The following DZIP1 variants were observed in gnomAD, a reference collection of about 807,000 sequenced individuals.
DZIP1 encodes the protein cilium assembly protein DZIP1.
A neutral mutation model predicts 107.6 loss-of-function variants in DZIP1; 97 were observed. The ratio of observed to expected loss-of-function variants is 0.90; its 90% CI spans 0.77 to 1.07. DZIP1 has a LOEUF of 1.07. Ranked by LOEUF, DZIP1 falls within the 50% of genes least tolerant of loss-of-function variation. DZIP1 has a pLI of 0.00. For synonymous variants in DZIP1, 390 were observed against 386.4 expected, an observed-to-expected ratio of 1.01 and a Z score of -0.11; for missense variants, 1,035 against 1,063.6, an observed-to-expected ratio of 0.97 and a Z score of 0.37.
At chr13:95,623,727 G>A (rs936190272) in intron 8 of DZIP1, among the ~76,000 whole-genome samples, 3 of 152,126 alleles carry the variant, frequency 2.0e-5, no homozygotes, top group African/African-American at 7.2e-5. Context: ...GATCACTTGA[G>A]GCCAGGAGTT....
At position 95,641,826 on chromosome 13, in the gene DZIP1, G is replaced by C. The variant is rs1191870287; in HGVS notation, c.66C>G (p.Leu22=). 6.1e-6 allele frequency: 9 copies of C among 1,465,284 alleles called. No homozygotes were observed. The highest frequency in any genetic ancestry group is 4.3e-5 in the South Asian group (3 of 70,206). The allele number at this position is 1,465,284 out of a possible 1,614,324, so 90.8% of individuals were successfully genotyped here. ...CGTCGGGCCCCTCTGGGCCGCTGGC[G>C]AGCGGGTAGTAGACATGCTTCTGGA... is the stretch of plus-strand genomic sequence containing the variant. ...MPFQKHVYYP[L]ASGPEGPDVA... is the part of the protein sequence containing the mutation. Residue 22 remains leucine, a synonymous_variant, in exon 5 of 23, where the codon CTC becomes CTG. Transcript: ENST00000376829. This position sits in a 1 kb window ranked among gnomAD's most constrained non-coding sequence, Gnocchi z 4.3.
In DZIP1 at chr13:95,622,432, C is replaced by A; in HGVS notation, c.1021G>T (p.Gly341Cys). The change falls in exon 9 of 23, where the codon GGC (glycine) becomes TGC (cysteine). Residue 341 changes from glycine (G) to cysteine (C), a missense_variant. Physicochemically the swap from Gly to Cys is radical, Grantham distance 159. Coordinates refer to ENST00000376829, the MANE Select transcript of DZIP1 (RefSeq NM_198968.4). ...AACTCGTGTGCATCTTTTAATGTGC[C>A]TATGTTGGACTTGATCTGCATATTG... ...KSNMQIKSNI[G>C]TLKDAHEFKE... The A allele has an allele frequency of 6.2e-7, 1 of 1,614,110 alleles. No homozygotes were observed. Among genetic ancestry groups the A allele is most frequent in the Non-Finnish European group, 8.5e-7 (1 of 1,180,010 alleles).
intron 21 of DZIP1, 36 bp from the exon 22 acceptor site, chr13:95,584,946 T>TAAAAAAA: frequency 6.4e-7 from 1 of 1,565,512 alleles, no homozygotes; most frequent in Admixed American, 1.8e-5. Flanking sequence ...TAATGTTGCT[T>TAAAAAAA]AGAAAAAAAT....
intron 3 of DZIP1, among the ~76,000 whole-genome samples, chr13:95,642,629 A>C (rs1878673694): frequency 6.6e-6 from 1 of 152,234 alleles, no homozygotes; most frequent in Non-Finnish European, 1.5e-5. Context: ...GGGCATGAGG[A>C]AGCTTTTGGC....
At chr13:95,639,590 CAAA>C (rs34000481) in intron 5 of DZIP1, among the ~76,000 whole-genome samples, 2 of 85,576 alleles carry the variant, frequency 2.3e-5, no homozygotes, top group African/African-American at 4.6e-5. Flanking sequence ...GACTCCATCT[CAAA>C]AAAAAAAAAA....
chr13:95,599,091 T>G (rs887720407), intron 15 of DZIP1, among the ~76,000 whole-genome samples: 11 of 152,186 alleles, frequency 7.2e-5, no homozygotes, highest in Non-Finnish European at 1.5e-4. Context: ...TGCATTAAAA[T>G]AAAGACAAAT....
At chr13:95,586,829 C>G (rs1186445599) in intron 20 of DZIP1, among the ~76,000 whole-genome samples, 1 of 151,986 alleles carries the variant, frequency 6.6e-6, no homozygotes, top group African/African-American at 2.4e-5. Flanking sequence ...GACCCATCAG[C>G]TCTACTTCTC....
At position 95,624,873 on chromosome 13, in the gene DZIP1, CCA is replaced by C; in HGVS notation, c.865_866del (p.Trp289GlufsTer10). On this transcript the variant is annotated frameshift_variant, in exon 8 of 23. Transcript: ENST00000376829. LOFTEE classifies it high-confidence loss of function. ...EEDFLKLFDR[W>X]KEEEKEKLVD... ...CTAGTTTCTCCTTTTCTTCTTCTTT[CCA>C]CCTGTCAAATAACTTCAAAAAGTCT... The C allele has an allele frequency of 6.2e-7, 1 of 1,612,644 alleles. No individual in the cohort carries two copies. Among genetic ancestry groups the C allele is most frequent in the Non-Finnish European group, 8.5e-7 (1 of 1,179,316 alleles).
At chr13:95,606,939 C>T (rs1165270552) in intron 13 of DZIP1, among the ~76,000 whole-genome samples, 1 of 152,224 alleles carries the variant, frequency 6.6e-6, no homozygotes, top group African/African-American at 2.4e-5. Context: ...TTTGTTTTCA[C>T]TAAACAGTAT....
Position 95,592,461 on chromosome 13 carries a change from T to A in DZIP1, c.1680+1483A>T, listed in dbSNP as rs117117054. Among the ~76,000 whole-genome samples, 166 of 152,178 alleles carry A rather than the reference T, an allele frequency of 1.1e-3. 2 individuals are homozygous for A. The East Asian group carries it at 0.028, about 26-fold the overall frequency. On this transcript the variant is annotated intron_variant, in intron 16 of 22. Coordinates refer to ENST00000376829, the MANE Select transcript of DZIP1 (RefSeq NM_198968.4). Reference sequence around the variant, plus strand: ...GTGGTCAAAACCCACCTAAAAAGGGTCTATGTGGAAATTTAAAAAGACTGA... The same window carrying A: ...GTGGTCAAAACCCACCTAAAAAGGGACTATGTGGAAATTTAAAAAGACTGA...
chr13:95,622,320 A>T, intron 9 of DZIP1, 23 bp downstream of exon 9: 1 of 1,614,080 alleles, frequency 6.2e-7, no homozygotes, highest in Non-Finnish European at 8.5e-7. Flanking sequence ...CATCCACTGC[A>T]GCTGTCACCC....
At chr13:95,591,145 C>T (rs530173012) in intron 16 of DZIP1, among the ~76,000 whole-genome samples, 1 of 151,650 alleles carries the variant, frequency 6.6e-6, no homozygotes, top group African/African-American at 2.4e-5. Context: ...TCTCTTGCCT[C>T]AGCCTTCCGA....
intron 6 of DZIP1, chr13:95,630,710 T>G: frequency 8.0e-7 from 1 of 1,253,400 alleles, no homozygotes; most frequent in Non-Finnish European, 1.0e-6. Flanking sequence ...GTACATGTAC[T>G]TACATGCAGA....
chr13:95,641,787 G>A lies in DZIP1; in HGVS notation c.105C>T (p.Ala35=), dbSNP rs1878543960. ...GPEGPDVAVA[A]AAAGAASMAC... ...CCATGGAGGCCGCACCCGCGGCGGC[G>A]GCGGCCACAGCGACGTCGGGCCCCT... The change falls in exon 5 of 23, where the codon GCC becomes GCT. Residue 35 remains alanine (A), a synonymous_variant. Coordinates refer to ENST00000376829, the MANE Select transcript of DZIP1 (RefSeq NM_198968.4). This position sits in a 1 kb window ranked among gnomAD's most constrained non-coding sequence, Gnocchi z 4.3. 6.6e-7 allele frequency: 1 copy of A among 1,519,628 alleles called. No individual in the cohort carries two copies. Among genetic ancestry groups the A allele is most frequent in the East Asian group, 2.4e-5 (1 of 41,736 alleles). The allele number at this position is 1,519,628 out of a possible 1,614,324, so 94.1% of individuals were successfully genotyped here. A position where few individuals can be genotyped will look rare whatever the true frequency, so the allele number is the denominator to read the frequency against.
intron 16 of DZIP1, among the ~76,000 whole-genome samples, chr13:95,591,105 T>C (rs1300288278): frequency 1.3e-5 from 2 of 149,660 alleles, no homozygotes; most frequent in East Asian, 4.0e-4. Context: ...CTCAGTTCAC[T>C]GCAACCTCCA....
At chr13:95,633,209 CTT>C (rs1877405907) in intron 6 of DZIP1, 23 bp downstream of exon 6, 1 of 1,601,840 alleles carries the variant, frequency 6.2e-7, no homozygotes, top group African/African-American at 1.3e-5. Context: ...AAGAAAAGAG[CTT>C]TCAAACAGAA....
intron 14 of DZIP1, among the ~76,000 whole-genome samples, chr13:95,600,409 G>A (rs1401866045): frequency 2.0e-5 from 3 of 152,102 alleles, no homozygotes; most frequent in African/African-American, 7.2e-5. Flanking sequence ...GGGTAAAAAT[G>A]GCCAACAGTT....
Position 95,591,081 on chromosome 13 carries a change from T to C in DZIP1, c.1681-640A>G, listed in dbSNP as rs550893277. Among the ~76,000 whole-genome samples, 37 of 144,722 alleles carry C rather than the reference T, an allele frequency of 2.6e-4. 1 individual carries two copies. In the Middle Eastern group the frequency reaches 0.026, roughly 101 times the overall value. 94.9% of individuals were successfully genotyped at this position (144,722 alleles called of 152,430 possible). A position where few individuals can be genotyped will look rare whatever the true frequency, so the allele number is the denominator to read the frequency against. ...TCTCGCCCTGTTGCCCAGGCTGGAG[T>C]GCAATGGCGCAATCTCAGTTCACTG... On this transcript the variant is annotated intron_variant, in intron 16 of 22. Coordinates refer to ENST00000376829, the MANE Select transcript of DZIP1 (RefSeq NM_198968.4).
intron 5 of DZIP1, among the ~76,000 whole-genome samples, chr13:95,638,003 ATTAT>A (rs894599898): frequency 8.5e-5 from 13 of 152,108 alleles, no homozygotes; most frequent in African/African-American, 2.9e-4. Flanking sequence ...GGAAGGGAAA[ATTAT>A]TTATTTCTAA....
Sources: allele counts gnomAD v4.1 joint callset (sites outside exome capture counted in the v4.1 genomes callset), GRCh38; gene constraint gnomAD v4.1.1; non-coding constraint Gnocchi (gnomAD v3.1); transcripts MANE v1.5; gene names NCBI Gene and HGNC (gene_info 2026-07-23, HGNC 2026-07-21).